IGFL2: variants seen among roughly 807,000 people sequenced by gnomAD.
The protein encoded by IGFL2 is IGF like family member 2.
In IGFL2, 7 loss-of-function variants were observed where a neutral mutation model predicts 13.9. The ratio of observed to expected loss-of-function variants is 0.51; its 90% CI spans 0.29 to 0.95. The LOEUF (loss-of-function observed/expected upper bound fraction) is 0.95, where lower values mean the gene tolerates loss of function less well. IGFL2 is among the 40% of genes least tolerant of loss of function. The probability of loss-of-function intolerance (pLI) is 0.08; values close to 1 mark genes in which losing one functional copy is unlikely to be tolerated. For missense variants in IGFL2, 138 were observed against 147.8 expected (o/e 0.93, Z 0.34); for synonymous variants, 55 against 55.8 (o/e 0.99, Z 0.07).
At chr19:46,097,206 C>A in the IGFL2 span, among the ~76,000 whole-genome samples, 1 of 152,130 alleles carries the variant, frequency 6.6e-6, no homozygotes, top group South Asian at 2.1e-4. Flanking sequence ...TGTTAGTGGT[C>A]TATACAGAGA....
chr19:46,183,537 C>CA, the IGFL2 span, among the ~76,000 whole-genome samples: 3 of 137,730 alleles, frequency 2.2e-5, no homozygotes, highest in African/African-American at 8.0e-5. Flanking sequence ...TTTCTGCAGA[C>CA]TTTTTTTTTT....
At chr19:46,134,499 G>T in the IGFL2 span, among the ~76,000 whole-genome samples, 25 of 152,154 alleles carry the variant, frequency 1.6e-4, no homozygotes, top group Non-Finnish European at 2.5e-4. Flanking sequence ...AGAATCAGTG[G>T]GAGCCCTGAG....
chr19:46,085,939 A>G, the IGFL2 span, among the ~76,000 whole-genome samples: 2 of 152,190 alleles, frequency 1.3e-5, no homozygotes, highest in African/African-American at 4.8e-5. Flanking sequence ...TGGGACACCA[A>G]CAATTCAAAT....
chr19:46,124,460 G>T, the IGFL2 span: 1 of 1,151,920 alleles, frequency 8.7e-7, no homozygotes, highest in Non-Finnish European at 1.3e-6. Flanking sequence ...ATGGGATCCC[G>T]TTCAGGCAGG....
chr19:46,159,406 A>G (rs533633397), intron 1 of IGFL2: 5 of 152,332 alleles, frequency 3.3e-5, no homozygotes, highest in African/African-American at 9.6e-5. Context: ...AAGCCACAAC[A>G]TGGAGTAGGA....
At chr19:46,111,653 C>T in the IGFL2 span, 1 of 152,160 alleles carries the variant, frequency 6.6e-6, no homozygotes, top group Non-Finnish European at 1.5e-5. Flanking sequence ...ATGGTGTCCA[C>T]GTATATGATA....
chr19:46,201,300 GA>G, the IGFL2 span, among the ~76,000 whole-genome samples: 2 of 152,204 alleles, frequency 1.3e-5, no homozygotes, highest in African/African-American at 4.8e-5. Flanking sequence ...GTGCCCTCAG[GA>G]TAGACTGGAG....
the IGFL2 span, chr19:46,208,801 T>G: frequency 2.0e-5 from 3 of 152,182 alleles, no homozygotes; most frequent in Non-Finnish European, 4.4e-5. Flanking sequence ...ATTGTACATT[T>G]CCTGAGGCCA....
the IGFL2 span, among the ~76,000 whole-genome samples, chr19:46,098,646 T>G: frequency 6.6e-6 from 1 of 152,002 alleles, no homozygotes. Flanking sequence ...GCCTGGCTAA[T>G]TTTTGTATTT....
In IGFL2 at chr19:46,159,968, A is replaced by T. The variant is rs549389434; in HGVS notation, c.20-447A>T. On this transcript the variant is annotated intron_variant, in intron 1 of 3. Coordinates refer to ENST00000377693, the MANE Select transcript of IGFL2 (RefSeq NM_001135113.2). Reference sequence around the variant, plus strand: ...GGGTGACAGAGTAAGACCCTGTCTCAAAAAACAAAAAGCAAACAAACAAAA... The same window carrying T: ...GGGTGACAGAGTAAGACCCTGTCTCTAAAAACAAAAAGCAAACAAACAAAA... 5 of 202,034 alleles carry T rather than the reference A, an allele frequency of 2.5e-5. No individual in the cohort carries two copies. The East Asian group carries it at 6.8e-4, about 27-fold the overall frequency. 12.5% of individuals were successfully genotyped at this position (202,034 alleles called of 1,614,324 possible).
At chr19:46,210,266 GA>G in the IGFL2 span, 4 of 152,164 alleles carry the variant, frequency 2.6e-5, no homozygotes, top group Non-Finnish European at 5.9e-5. Flanking sequence ...GAAGATTCCA[GA>G]AGGTGGGTGA....
chr19:46,126,506 A>G, the IGFL2 span, among the ~76,000 whole-genome samples: 1 of 152,196 alleles, frequency 6.6e-6, no homozygotes, highest in Non-Finnish European at 1.5e-5. Context: ...GTGCTAGGCA[A>G]TCCTTCTGTG....
intron 1 of IGFL2, among the ~76,000 whole-genome samples, chr19:46,158,577 T>G (rs1973956291): frequency 1.3e-5 from 2 of 152,164 alleles, no homozygotes; most frequent in African/African-American, 2.4e-5. Context: ...ATAGACAAGA[T>G]TCTATATTTA....
chr19:46,086,404 A>G, the IGFL2 span, among the ~76,000 whole-genome samples: 3 of 151,570 alleles, frequency 2.0e-5, no homozygotes, highest in Admixed American at 6.6e-5. Context: ...GTCCACTCCA[A>G]TCTCCTTCTC....
chr19:46,163,614 C>A (rs1974259963), downstream of IGFL2, among the ~76,000 whole-genome samples: 1 of 152,166 alleles, frequency 6.6e-6, no homozygotes, highest in African/African-American at 2.4e-5. Flanking sequence ...AAGGACAGTT[C>A]CACTGCAGAG....
the IGFL2 span, among the ~76,000 whole-genome samples, chr19:46,125,650 T>C: frequency 6.6e-6 from 1 of 152,212 alleles, no homozygotes; most frequent in South Asian, 2.1e-4. Context: ...ACCATAGCCT[T>C]TGAAATGGTT....
At chr19:46,088,121 A>G in the IGFL2 span, among the ~76,000 whole-genome samples, 1 of 152,022 alleles carries the variant, frequency 6.6e-6, no homozygotes, top group Non-Finnish European at 1.5e-5. Flanking sequence ...AGGCCACTTC[A>G]CTTTTCTCTC....
chr19:46,137,055 G>A, the IGFL2 span: 59 of 1,594,974 alleles, frequency 3.7e-5, no homozygotes, highest in East Asian at 6.5e-4. Context: ...ACTGATGGAC[G>A]AGCCAAAACT....
At chr19:46,099,460 A>G in the IGFL2 span, among the ~76,000 whole-genome samples, 4 of 148,126 alleles carry the variant, frequency 2.7e-5, no homozygotes, top group East Asian at 2.0e-4. Flanking sequence ...ATGTACTCCT[A>G]TCAGTCATAG....
Sources: allele counts gnomAD v4.1 joint callset (sites outside exome capture counted in the v4.1 genomes callset), GRCh38; gene constraint gnomAD v4.1.1; transcripts MANE v1.5; gene names NCBI Gene and HGNC (gene_info 2026-07-23, HGNC 2026-07-21).